The following ZSCAN5A variants were observed in gnomAD, a reference collection of about 807,000 sequenced individuals.
ZSCAN5A encodes the protein zinc finger and SCAN domain-containing protein 5A.
ZSCAN5A carries 12 observed loss-of-function variants against 23.7 expected under a neutral mutation model. The observed-to-expected ratio is 0.51, with a 90% CI of 0.32 to 0.82. The LOEUF (loss-of-function observed/expected upper bound fraction) is 0.82, where lower values mean the gene tolerates loss of function less well. Among genes scored for constraint, ZSCAN5A ranks in the 40% least tolerant of loss-of-function variants. ZSCAN5A has a pLI of 0.03. For synonymous variants in ZSCAN5A, 257 were observed against 239.9 expected (o/e 1.07, Z -0.66); for missense variants, 597 against 617.9 (o/e 0.97, Z 0.36).
chr19:56,320,238 A>G (rs971860168), intron 2 of ZSCAN5A: 10 of 554,096 alleles, frequency 1.8e-5, no homozygotes, highest in East Asian at 4.0e-5. Context: ...TAGTTCAACA[A>G]TCCTGAGTAG....
chr19:56,276,851 T>C (rs1351007178), intron 2 of ZSCAN5A, among the ~76,000 whole-genome samples: 1 of 152,088 alleles, frequency 6.6e-6, no homozygotes. Context: ...GTTATCTTTA[T>C]TGATATTTAC....
intron 2 of ZSCAN5A, among the ~76,000 whole-genome samples, chr19:56,330,607 ATGTT>A (rs1354585670): frequency 6.6e-6 from 1 of 152,022 alleles, no homozygotes; most frequent in Non-Finnish European, 1.5e-5. Flanking sequence ...GCATTTATTC[ATGTT>A]TGTTGGCTGC....
chr19:56,226,010 AT>A (rs1167666806), intron 2 of ZSCAN5A, among the ~76,000 whole-genome samples: 1 of 152,026 alleles, frequency 6.6e-6, no homozygotes, highest in Non-Finnish European at 1.5e-5. Context: ...TTAAAAATTA[AT>A]TCCTAAACCT....
rs756356708 is a variant in ZSCAN5A at position 56,231,996 on chromosome 19, C to CTTTCTTTT, written c.-127-6824_-127-6823insAAAAGAAA. On this transcript the variant is annotated intron_variant, in intron 2 of 5. Coordinates refer to ENST00000683990, the MANE Select transcript of ZSCAN5A (RefSeq NM_001322064.3). ...TCTTTTTTCTTTCTTTTTTTCTTTTCTTTTTTTTTGAGACAGTGTCTTGCT... is the reference window on the plus strand; with the variant it reads ...TCTTTTTTCTTTCTTTTTTTCTTTTCTTTCTTTTTTTTTTTTTGAGACAGTGTCTTGCT... 4.8e-5 allele frequency among the ~76,000 whole-genome samples: 6 copies of CTTTCTTTT among 124,976 alleles called. 1 individual carries two copies. The highest frequency in any genetic ancestry group is 1.8e-4 in the African/African-American group (6 of 33,330). 82.0% of individuals were successfully genotyped at this position (124,976 alleles called of 152,430 possible).
intron 2 of ZSCAN5A, among the ~76,000 whole-genome samples, chr19:56,257,663 G>T: frequency 6.9e-6 from 1 of 144,648 alleles, no homozygotes; most frequent in East Asian, 2.1e-4. Context: ...CCTGGCTCCT[G>T]CCTCCCACCA....
chr19:56,242,813 T>C (rs1025582688), intron 2 of ZSCAN5A, among the ~76,000 whole-genome samples: 1 of 152,162 alleles, frequency 6.6e-6, no homozygotes, highest in African/African-American at 2.4e-5. Context: ...AGTCTCGCTC[T>C]TGTTGCCCAG....
intron 2 of ZSCAN5A, among the ~76,000 whole-genome samples, chr19:56,329,899 G>T (rs2041474196): frequency 6.6e-6 from 1 of 152,118 alleles, no homozygotes; most frequent in Non-Finnish European, 1.5e-5. Context: ...TAGGTATGTT[G>T]CATGATGCTG....
At chr19:56,365,932 A>T (rs950139000) in intron 1 of ZSCAN5A, 3 of 152,236 alleles carry the variant, frequency 2.0e-5, no homozygotes, top group African/African-American at 7.2e-5. Flanking sequence ...AAGATCTGAG[A>T]AAAGTCCCCA....
At chr19:56,335,765 T>G (rs1420611761) in intron 2 of ZSCAN5A, among the ~76,000 whole-genome samples, 2 of 152,248 alleles carry the variant, frequency 1.3e-5, no homozygotes, top group Non-Finnish European at 2.9e-5. Flanking sequence ...CAGGAGCTCT[T>G]TTAGGGCAGG....
At chr19:56,263,701 G>T (rs375546980) in intron 2 of ZSCAN5A, 11 of 152,276 alleles carry the variant, frequency 7.2e-5, no homozygotes, top group South Asian at 4.1e-4. Flanking sequence ...AGGGAGGCGA[G>T]AGAGGAGAGA....
At chr19:56,279,273 A>G (rs1253340337) in intron 2 of ZSCAN5A, among the ~76,000 whole-genome samples, 1 of 152,144 alleles carries the variant, frequency 6.6e-6, no homozygotes, top group Non-Finnish European at 1.5e-5. Context: ...TGGAAGGGAA[A>G]AAGATCTCTT....
intron 2 of ZSCAN5A, among the ~76,000 whole-genome samples, chr19:56,298,412 C>T (rs1003435612): frequency 2.6e-5 from 4 of 151,982 alleles, no homozygotes; most frequent in Non-Finnish European, 4.4e-5. Flanking sequence ...CCGAGGCAGG[C>T]GGATCACAAG....
At chr19:56,322,018 T>A (rs1347477366) in intron 2 of ZSCAN5A, 1 of 777,850 alleles carries the variant, frequency 1.3e-6, no homozygotes, top group African/African-American at 1.7e-5. Context: ...CATCTCTTTC[T>A]ACAAGGCTGT....
intron 2 of ZSCAN5A, among the ~76,000 whole-genome samples, chr19:56,227,972 C>G (rs372070237): frequency 5.3e-5 from 8 of 151,910 alleles, no homozygotes; most frequent in African/African-American, 1.9e-4. Flanking sequence ...GCGGGCGGAT[C>G]GCTTGAGCCC....
intron 2 of ZSCAN5A, among the ~76,000 whole-genome samples, chr19:56,349,693 A>G (rs1260251244): frequency 1.4e-5 from 2 of 146,082 alleles, no homozygotes; most frequent in African/African-American, 5.2e-5. Flanking sequence ...CGACAGAACA[A>G]AACTCCGTCT....
At chr19:56,239,464 C>T (rs4384690) in intron 2 of ZSCAN5A, among the ~76,000 whole-genome samples, 28,308 of 152,166 alleles carry the variant, frequency 0.19, 2,727 homozygotes, top group African/African-American at 0.23. Flanking sequence ...AGTCAGGGGG[C>T]TGAGAACCAG....
At chr19:56,327,151 A>G (rs1286214587) in intron 2 of ZSCAN5A, among the ~76,000 whole-genome samples, 1 of 151,900 alleles carries the variant, frequency 6.6e-6, no homozygotes, top group Non-Finnish European at 1.5e-5. Flanking sequence ...TAGGTCTCTA[A>G]TGTCACCCAG....
intron 2 of ZSCAN5A, among the ~76,000 whole-genome samples, chr19:56,243,113 A>T (rs1173645249): frequency 6.6e-6 from 1 of 151,018 alleles, no homozygotes; most frequent in Non-Finnish European, 1.5e-5. Context: ...ACTTCCTGAA[A>T]ATTTCATAGA....
At chr19:56,227,871 T>C (rs1287817290) in intron 2 of ZSCAN5A, among the ~76,000 whole-genome samples, 1 of 151,828 alleles carries the variant, frequency 6.6e-6, no homozygotes, top group African/African-American at 2.4e-5. Flanking sequence ...CTGAGCAATA[T>C]ACCGAGACCC....
Sources: gnomAD v4.1 joint callset for allele counts (sites outside exome capture counted in the v4.1 genomes callset) on GRCh38, gnomAD v4.1.1 for gene constraint, MANE v1.5 for transcripts, NCBI Gene and HGNC (gene_info 2026-07-23, HGNC 2026-07-21) for gene names.